FRY: variants seen among roughly 807,000 people sequenced by gnomAD.
FRY encodes the protein FRY microtubule binding protein.
Under a neutral mutation model 348.4 loss-of-function variants are expected in FRY, and 128 were observed. The ratio of observed to expected loss-of-function variants is 0.37; its 90% CI spans 0.32 to 0.43. The LOEUF (loss-of-function observed/expected upper bound fraction) is 0.43. Among genes scored for constraint, FRY ranks in the 20% least tolerant of loss-of-function variants. The probability of loss-of-function intolerance (pLI) is 1.00; values close to 1 mark genes in which losing one functional copy is unlikely to be tolerated. For missense variants in FRY, 2,736 were observed against 3,695.2 expected, an observed-to-expected ratio of 0.74 and a Z score of 6.73; for synonymous variants, 1,370 against 1,374.7, an observed-to-expected ratio of 1.00 and a Z score of 0.08.
At chr13:32,109,855 TAAGTA>T (rs1396136282) in intron 3 of FRY, among the ~76,000 whole-genome samples, 1 of 152,190 alleles carries the variant, frequency 6.6e-6, no homozygotes, top group Non-Finnish European at 1.5e-5. Flanking sequence ...CTAGAGCACA[TAAGTA>T]AAGAACGTCA....
intron 40 of FRY, among the ~76,000 whole-genome samples, chr13:32,230,127 G>A (rs1372229806): frequency 3.9e-5 from 6 of 152,110 alleles, no homozygotes; most frequent in Non-Finnish European, 2.9e-5. Context: ...ATAGGTAAAC[G>A]TGTGTCAAGG....
chr13:32,158,279 G>A (rs576827782), intron 16 of FRY, among the ~76,000 whole-genome samples: 2 of 152,220 alleles, frequency 1.3e-5, no homozygotes, highest in South Asian at 2.1e-4. Context: ...ATCTGCAGCC[G>A]TTTCTTGGAT....
intron 19 of FRY, among the ~76,000 whole-genome samples, chr13:32,174,647 C>G (rs1207753389): frequency 6.6e-6 from 1 of 152,184 alleles, no homozygotes; most frequent in African/African-American, 2.4e-5. Flanking sequence ...ACACATGCCT[C>G]TAACGCCCCA....
intron 12 of FRY, 149 bp downstream of exon 12, chr13:32,147,534 T>A: frequency 1.4e-6 from 1 of 694,022 alleles, no homozygotes; most frequent in Non-Finnish European, 2.6e-6. Context: ...TTTTCAGGCT[T>A]TCCATAGTCA....
intron 1 of FRY, among the ~76,000 whole-genome samples, chr13:32,077,340 G>T (rs1208108725): frequency 6.6e-6 from 1 of 152,154 alleles, no homozygotes; most frequent in Non-Finnish European, 1.5e-5. Context: ...TGTCCGCAAA[G>T]AAGTTATTAA....
At chr13:32,035,758 A>G (rs187915975) in intron 1 of FRY, among the ~76,000 whole-genome samples, 6 of 152,364 alleles carry the variant, frequency 3.9e-5, no homozygotes, top group Non-Finnish European at 8.8e-5. Flanking sequence ...TTGAATGCCC[A>G]TTAACTCTTT....
rs150807693 is a variant in FRY, at chr13:32,239,435, G to T, written c.6516+86G>T. ...CAGGCAAATTACAAGGCCCAGAGAT[G>T]GCAGTGATTTTCTCAAAAACTGGAA... On this transcript the variant is annotated intron_variant, in intron 45 of 60. Coordinates refer to ENST00000542859, the MANE Select transcript of FRY (RefSeq NM_023037.3). The surrounding 1 kb of genome is among the most constrained non-coding windows in gnomAD (Gnocchi z 4.3). 8.5e-4 allele frequency: 714 copies of T among 844,970 alleles called. 6 individuals carry two copies. In the African/African-American group the frequency reaches 1.0e-2, roughly 12 times the overall value. 52.3% of individuals were successfully genotyped at this position (844,970 alleles called of 1,614,324 possible).
chr13:32,202,602 C>A, intron 31 of FRY, 75 bp downstream of exon 31: 2 of 1,223,792 alleles, frequency 1.6e-6, no homozygotes, highest in Non-Finnish European at 2.4e-6. Flanking sequence ...CTAATAATGA[C>A]ATGTGATCAT....
At chr13:32,172,887 G>A (rs1290381808) in intron 18 of FRY, among the ~76,000 whole-genome samples, 3 of 152,176 alleles carry the variant, frequency 2.0e-5, no homozygotes, top group East Asian at 3.8e-4. Flanking sequence ...GTTGGGGATT[G>A]GGAACTTTCA....
At chr13:32,143,807 T>G (rs1327678339) in intron 11 of FRY, among the ~76,000 whole-genome samples, 2 of 152,182 alleles carry the variant, frequency 1.3e-5, no homozygotes, top group African/African-American at 4.8e-5. Context: ...TACATAATAA[T>G]ACTACAGGCA....
intron 24 of FRY, among the ~76,000 whole-genome samples, chr13:32,183,573 C>T (rs890405490): frequency 5.3e-5 from 8 of 151,958 alleles, no homozygotes; most frequent in Non-Finnish European, 1.0e-4. Context: ...GTCAAGAGAT[C>T]GAGACCATCC....
intron 1 of FRY, chr13:32,038,651 AG>A (rs1248599186): frequency 4.6e-5 from 7 of 152,240 alleles, no homozygotes; most frequent in African/African-American, 1.7e-4. Flanking sequence ...TGTGAATAAG[AG>A]AATGCTTTCT....
chr13:32,045,840 G>A (rs201449029), intron 1 of FRY, among the ~76,000 whole-genome samples: 11 of 152,142 alleles, frequency 7.2e-5, no homozygotes, highest in African/African-American at 2.2e-4. Context: ...TTATGCTGGC[G>A]AGATTCAAAC....
intron 31 of FRY, among the ~76,000 whole-genome samples, chr13:32,203,648 G>A (rs1279111512): frequency 6.6e-6 from 1 of 152,010 alleles, no homozygotes; most frequent in African/African-American, 2.4e-5. Flanking sequence ...ACTTGAACCC[G>A]GGAGGCAGCG....
chr13:32,063,646 G>A (rs919650285), intron 1 of FRY, among the ~76,000 whole-genome samples: 17 of 152,046 alleles, frequency 1.1e-4, no homozygotes, highest in East Asian at 1.9e-4. Flanking sequence ...CAGGCTGGTC[G>A]GCACCCACTA....
chr13:32,162,930 G>A (rs974048174), intron 17 of FRY, among the ~76,000 whole-genome samples: 2 of 152,142 alleles, frequency 1.3e-5, no homozygotes, highest in Non-Finnish European at 2.9e-5. Flanking sequence ...TCCAGTTCAG[G>A]GCAAGGGGAA....
chr13:32,237,900 T>C lies in FRY; in HGVS notation c.6332T>C (p.Leu2111Pro). ...QQLLLKGFTS[L>P]TTTDLTLQLF... Reference sequence around the variant, plus strand: ...CTGCTGCTGAAAGGATTCACATCCCTCACCACCACAGACCTGACCCTGCAG... The same window carrying C: ...CTGCTGCTGAAAGGATTCACATCCCCCACCACCACAGACCTGACCCTGCAG... Residue 2111 changes from leucine (L) to proline (P), a missense_variant, in exon 44 of 61, where the codon CTC becomes CCC. Physicochemically the swap from Leu to Pro is moderately conservative, Grantham distance 98. This residue lies in a region of FRY where 789 missense variants were observed against 996.2 expected (regional missense o/e 0.79). Coordinates refer to ENST00000542859, the MANE Select transcript of FRY (RefSeq NM_023037.3). This position sits in a 1 kb window ranked among gnomAD's most constrained non-coding sequence, Gnocchi z 6.3. 6.2e-7 allele frequency: 1 copy of C among 1,614,134 alleles called. No individual in the cohort carries two copies. The highest frequency in any genetic ancestry group is 8.5e-7 in the Non-Finnish European group (1 of 1,180,004).
intron 20 of FRY, 74 bp downstream of exon 20, chr13:32,175,706 A>T (rs1723065356): frequency 1.1e-6 from 1 of 880,436 alleles, no homozygotes; most frequent in South Asian, 1.3e-5. Context: ...GTGAAAAATT[A>T]TGTGGAATAA....
At chr13:32,233,845 C>T (rs969701945) in intron 41 of FRY, among the ~76,000 whole-genome samples, 1 of 152,156 alleles carries the variant, frequency 6.6e-6, no homozygotes, top group Non-Finnish European at 1.5e-5. Flanking sequence ...CTGTACGAGA[C>T]AAGTTAAAGA....
Sources: allele counts gnomAD v4.1 joint callset (sites outside exome capture counted in the v4.1 genomes callset), GRCh38; gene constraint gnomAD v4.1.1; regional missense constraint gnomAD v4.1.1; non-coding constraint Gnocchi (gnomAD v3.1); transcripts MANE v1.5; gene names NCBI Gene and HGNC (gene_info 2026-07-23, HGNC 2026-07-21).